The following RETREG3 variants were observed in gnomAD, a reference collection of about 807,000 sequenced individuals.
RETREG3 encodes reticulophagy regulator family member 3.
RETREG3 carries 23 observed loss-of-function variants against 50.2 expected under a neutral mutation model. The observed-to-expected ratio is 0.46, with a 90% CI of 0.33 to 0.65. The LOEUF (loss-of-function observed/expected upper bound fraction) is 0.65. RETREG3 is among the 30% of genes least tolerant of loss of function. The probability of loss-of-function intolerance (pLI) is 0.02; values close to 1 mark genes in which losing one functional copy is unlikely to be tolerated. For synonymous variants in RETREG3, 240 were observed against 234.4 expected (o/e 1.02, Z -0.22); for missense variants, 546 against 598.0 (o/e 0.91, Z 0.91).
chr17:42,587,351 G>A (rs1419484926), intron 3 of RETREG3, among the ~76,000 whole-genome samples: 1 of 152,150 alleles, frequency 6.6e-6, no homozygotes, highest in Non-Finnish European at 1.5e-5. Context: ...AAAATTCTTT[G>A]GATCAAACAA....
chr17:42,599,633 G>A (rs2093154761), intron 1 of RETREG3, among the ~76,000 whole-genome samples: 3 of 138,392 alleles, frequency 2.2e-5, no homozygotes, highest in Non-Finnish European at 4.6e-5. Context: ...CAGCCTGGGT[G>A]ACAGAGTAAG....
rs972876107 is a variant in RETREG3 at position 42,582,359 on chromosome 17, C to T, written c.944-89G>A. The T allele has an allele frequency of 5.3e-6, 7 of 1,322,764 alleles. No homozygotes were observed. The African/African-American group carries it at 8.8e-5, about 17-fold the overall frequency. The allele number at this position is 1,322,764 out of a possible 1,614,324, so 81.9% of individuals were successfully genotyped here. On this transcript the variant is annotated intron_variant, in intron 8 of 8. Coordinates refer to ENST00000309428, the MANE Select transcript of RETREG3 (RefSeq NM_178126.4). ...CATGACCAGATTTTTCCCACCCTGG[C>T]TTTCTCAGGGCGAAATAAACCCATG... is the stretch of plus-strand genomic sequence containing the variant.
At position 42,581,487 on chromosome 17, in the gene RETREG3, T is replaced by C. The variant is rs536172499; in HGVS notation, c.*326A>G. On this transcript the variant is annotated 3_prime_UTR_variant, in exon 9 of 9. Transcript: ENST00000309428. ...TTCAGTGAGGGCCCCTGAGCACTCA[T>C]ACCTAAAAGCAAACAGCAGCACCTC... 9 of 243,866 alleles carry C rather than the reference T, an allele frequency of 3.7e-5. No homozygotes were observed. Among genetic ancestry groups the C allele is most frequent in the Non-Finnish European group, 6.3e-5 (8 of 126,854 alleles). The allele number at this position is 243,866 out of a possible 1,614,324, so 15.1% of individuals were successfully genotyped here. A position where few individuals can be genotyped will look rare whatever the true frequency, so the allele number is the denominator to read the frequency against.
intron 1 of RETREG3, among the ~76,000 whole-genome samples, chr17:42,603,775 A>C (rs916221703): frequency 6.6e-6 from 1 of 152,156 alleles, no homozygotes; most frequent in African/African-American, 2.4e-5. Flanking sequence ...CAGGAGATTG[A>C]GACCATCCTG....
intron 1 of RETREG3, among the ~76,000 whole-genome samples, chr17:42,604,572 A>AG (rs1241152716): frequency 6.6e-6 from 1 of 151,868 alleles, no homozygotes; most frequent in African/African-American, 2.4e-5. Context: ...TGGAAGACTG[A>AG]GGCAAGAGGA....
chr17:42,608,838 A>T, intron 1 of RETREG3: 2 of 524,374 alleles, frequency 3.8e-6, no homozygotes, highest in Non-Finnish European at 6.8e-6. Flanking sequence ...TGTTACCAGA[A>T]GCTCCCGCCA....
intron 1 of RETREG3, among the ~76,000 whole-genome samples, chr17:42,606,890 G>A (rs1441828003): frequency 1.3e-5 from 2 of 152,116 alleles, no homozygotes; most frequent in African/African-American, 2.4e-5. Flanking sequence ...CCAGCTGCTC[G>A]GGAGGCTGAG....
chr17:42,609,363 A>C lies in RETREG3; in HGVS notation c.-39T>G. 1 of 1,558,580 alleles carries C rather than the reference A, an allele frequency of 6.4e-7. No homozygotes were observed. The highest frequency in any genetic ancestry group is 1.1e-5 in the South Asian group (1 of 88,536). On this transcript the variant is annotated 5_prime_UTR_variant, in exon 1 of 9. Transcript: ENST00000309428. ...CCACAACATCCGGGGCCGTGGCCCGACAAGTCACAATAACAGCAACTGCGC... is the reference window on the plus strand; with the variant it reads ...CCACAACATCCGGGGCCGTGGCCCGCCAAGTCACAATAACAGCAACTGCGC...
In RETREG3 at chr17:42,597,577, G is replaced by T. The variant is rs1342567337; in HGVS notation, c.240-5415C>A. On this transcript the variant is annotated intron_variant, in intron 1 of 8. Transcript: ENST00000309428. ...ATATTTTTGTGTATATATATATTTT[G>T]TGTGTATATATATATATATATATAT... Among the ~76,000 whole-genome samples the T allele has an allele frequency of 6.5e-3, 39 of 5,978 alleles. No individual in the cohort carries two copies. In the East Asian group the frequency reaches 0.073, roughly 11 times the overall value. 3.9% of individuals were successfully genotyped at this position (5,978 alleles called of 152,430 possible). A position where few individuals can be genotyped will look rare whatever the true frequency, so the allele number is the denominator to read the frequency against.
intron 1 of RETREG3, among the ~76,000 whole-genome samples, chr17:42,600,019 AAACCACCTAAACACT>A (rs1482547920): frequency 6.6e-6 from 1 of 151,980 alleles, no homozygotes; most frequent in Non-Finnish European, 1.5e-5. Context: ...AAAACAGAAA[AAACCACCTAAACACT>A]AACAAATTGG....
At chr17:42,586,372 G>A in intron 4 of RETREG3, 1 of 500,774 alleles carries the variant, frequency 2.0e-6, no homozygotes. Flanking sequence ...CCAAGAAATT[G>A]GTTTGAATAG....
At chr17:42,607,798 C>T (rs1158299571) in intron 1 of RETREG3, among the ~76,000 whole-genome samples, 1 of 148,468 alleles carries the variant, frequency 6.7e-6, no homozygotes, top group African/African-American at 2.5e-5. Flanking sequence ...AAGAGTGAAA[C>T]TCTGTCTTAA....
intron 4 of RETREG3, 53 bp downstream of exon 4, chr17:42,586,712 C>G: frequency 6.3e-7 from 1 of 1,591,628 alleles, no homozygotes; most frequent in Non-Finnish European, 8.6e-7. Flanking sequence ...TTCAGTTTAG[C>G]ATGAACTGAA....
chr17:42,595,522 A>C (rs1228116198), intron 1 of RETREG3, among the ~76,000 whole-genome samples: 3 of 151,114 alleles, frequency 2.0e-5, no homozygotes, highest in Non-Finnish European at 4.4e-5. Flanking sequence ...TCAGCCTCCC[A>C]AGTAGCTGGG....
chr17:42,603,582 A>C (rs2093162199), intron 1 of RETREG3, among the ~76,000 whole-genome samples: 1 of 152,198 alleles, frequency 6.6e-6, no homozygotes, highest in African/African-American at 2.4e-5. Flanking sequence ...AGAGAGGGGA[A>C]GTAAATAAAC....
chr17:42,582,339 C>T, intron 8 of RETREG3, 69 bp from the exon 9 acceptor site: 1 of 1,441,876 alleles, frequency 6.9e-7, no homozygotes, highest in Non-Finnish European at 9.4e-7. Flanking sequence ...CCCCACATGA[C>T]CAGATTTTTC....
At chr17:42,602,090 T>G (rs1419252491) in intron 1 of RETREG3, among the ~76,000 whole-genome samples, 1 of 151,908 alleles carries the variant, frequency 6.6e-6, no homozygotes, top group Non-Finnish European at 1.5e-5. Flanking sequence ...CCGAGGCAGG[T>G]GGGTCACTTG....
At chr17:42,582,956 C>A (rs192319327) in intron 7 of RETREG3, 150 bp from the exon 8 acceptor site, 2 of 1,000,972 alleles carry the variant, frequency 2.0e-6, no homozygotes, top group Non-Finnish European at 2.9e-6. Flanking sequence ...GTTGAAAACT[C>A]CCTCTCCCCT....
chr17:42,597,868 G>C (rs2143412264), intron 1 of RETREG3, among the ~76,000 whole-genome samples: 1 of 150,784 alleles, frequency 6.6e-6, no homozygotes, highest in South Asian at 2.1e-4. Context: ...GATCTCAAGT[G>C]ATCAGCTCGC....
Sources: gnomAD v4.1 joint callset for allele counts (sites outside exome capture counted in the v4.1 genomes callset) on GRCh38, gnomAD v4.1.1 for gene constraint, MANE v1.5 for transcripts, NCBI Gene and HGNC (gene_info 2026-07-23, HGNC 2026-07-21) for gene names.